ARL14EPL: variants seen among roughly 807,000 people sequenced by gnomAD.
ARL14EPL encodes the protein ARL14 effector protein-like.
ARL14EPL carries 17 observed loss-of-function variants against 15.9 expected under a neutral mutation model. The ratio of observed to expected loss-of-function variants is 1.07; its 90% CI spans 0.73 to 1.60. The LOEUF (loss-of-function observed/expected upper bound fraction) is 1.60, where lower values mean the gene tolerates loss of function less well. Ranked by LOEUF, ARL14EPL falls within the 40% of genes most tolerant of loss-of-function variation. The pLI, the probability that ARL14EPL is intolerant of heterozygous loss-of-function variation, is 0.00. For missense variants in ARL14EPL, 214 were observed against 185.9 expected, an observed-to-expected ratio of 1.15 and a Z score of -0.88; for synonymous variants, 78 against 63.8, an observed-to-expected ratio of 1.22 and a Z score of -1.06.
intron 1 of ARL14EPL, among the ~76,000 whole-genome samples, chr5:116,037,862 T>C (rs1427546021): frequency 1.3e-5 from 2 of 152,198 alleles, no homozygotes; most frequent in Non-Finnish European, 2.9e-5. Context: ...TGGTGGTTTT[T>C]ATTTTAACAC....
At position 116,047,740 on chromosome 5, in the gene ARL14EPL, A is replaced by T. The variant is rs138989522; in HGVS notation, c.-9-3717A>T. On this transcript the variant is annotated intron_variant, in intron 1 of 3. Coordinates refer to ENST00000686077, the MANE Select transcript of ARL14EPL (RefSeq NM_001195581.2). The stretch of plus-strand genomic sequence containing the variant: ...TACAGTTAAACAAGGTAGGTCAGAT[A>T]TTGATGATTTCTTTATGGTCAGTTT... Among the ~76,000 whole-genome samples, 584 of 151,262 alleles carry T rather than the reference A, an allele frequency of 3.9e-3. 3 individuals carry two copies. The highest frequency in any genetic ancestry group is 0.03 in the South Asian group (142 of 4,734).
intron 3 of ARL14EPL, among the ~76,000 whole-genome samples, chr5:116,056,828 G>A (rs907208893): frequency 9.2e-5 from 14 of 152,086 alleles, no homozygotes; most frequent in Admixed American, 3.9e-4. Flanking sequence ...TTTTGTATAA[G>A]GTGTAAGGAA....
chr5:116,058,618 G>A, intron 3 of ARL14EPL, 107 bp from the exon 4 acceptor site: 1 of 1,052,634 alleles, frequency 9.5e-7, no homozygotes, highest in South Asian at 1.5e-5. Context: ...CTGGAGTTCT[G>A]GGTCAGGGTA....
rs142699006 is a variant in ARL14EPL at position 116,055,453 on chromosome 5, T to C, written c.236+1300T>C. Among the ~76,000 whole-genome samples, 609 of 152,242 alleles carry C rather than the reference T, an allele frequency of 4.0e-3. 4 individuals are homozygous for C. Among genetic ancestry groups the C allele is most frequent in the African/African-American group, 0.014 (581 of 41,540 alleles). ...GAAAAGATAAATAACTTGTGGTATA[T>C]TTATACAGTGGAATACATATAGAAG... On this transcript the variant is annotated intron_variant, in intron 3 of 3. Transcript: ENST00000686077.
intron 3 of ARL14EPL, among the ~76,000 whole-genome samples, chr5:116,054,423 A>G (rs1399793589): frequency 4.6e-5 from 7 of 152,262 alleles, no homozygotes. Context: ...TTTAAAAGTA[A>G]CAAAAATGTA....
At chr5:116,040,719 T>A (rs541555136) in intron 1 of ARL14EPL, among the ~76,000 whole-genome samples, 1 of 151,296 alleles carries the variant, frequency 6.6e-6, no homozygotes, top group Non-Finnish European at 1.5e-5. Flanking sequence ...TGTAAAGAGT[T>A]TTTATGCTGT....
At chr5:116,056,663 T>G (rs534695821) in intron 3 of ARL14EPL, among the ~76,000 whole-genome samples, 1 of 152,356 alleles carries the variant, frequency 6.6e-6, no homozygotes, top group South Asian at 2.1e-4. Flanking sequence ...TAGATCCCAT[T>G]TGTCAATTTT....
At chr5:116,038,303 G>A (rs578096209) in intron 1 of ARL14EPL, among the ~76,000 whole-genome samples, 2 of 152,322 alleles carry the variant, frequency 1.3e-5, no homozygotes, top group East Asian at 3.9e-4. Flanking sequence ...AGACAAGTGT[G>A]TAAATAACTA....
At chr5:116,039,877 T>C (rs1370742864) in intron 1 of ARL14EPL, among the ~76,000 whole-genome samples, 4 of 152,192 alleles carry the variant, frequency 2.6e-5, no homozygotes, top group Non-Finnish European at 4.4e-5. Context: ...ATTACATTCC[T>C]AGAAAAATAT....
chr5:116,042,369 GT>G (rs1474246973), intron 1 of ARL14EPL, among the ~76,000 whole-genome samples: 1 of 152,228 alleles, frequency 6.6e-6, no homozygotes, highest in African/African-American at 2.4e-5. Flanking sequence ...GAAGGGCAGT[GT>G]GGATAGATAC....
chr5:116,040,453 A>AG (rs1401973775), intron 1 of ARL14EPL, among the ~76,000 whole-genome samples: 2 of 151,774 alleles, frequency 1.3e-5, no homozygotes, highest in Non-Finnish European at 2.9e-5. Flanking sequence ...AGTGACGGGA[A>AG]GGCATTTCTG....
chr5:116,039,912 T>G (rs1749117708), intron 1 of ARL14EPL, among the ~76,000 whole-genome samples: 1 of 152,196 alleles, frequency 6.6e-6, no homozygotes, highest in Admixed American at 6.5e-5. Context: ...TCTGACAAAT[T>G]TTAAAACTCT....
At chr5:116,053,283 T>C (rs1430306779) in intron 2 of ARL14EPL, among the ~76,000 whole-genome samples, 2 of 151,292 alleles carry the variant, frequency 1.3e-5, no homozygotes, top group Non-Finnish European at 2.9e-5. Flanking sequence ...GCCCCGGGGA[T>C]TGAGGCTGCA....
chr5:116,054,332 A>G (rs1002239557), intron 3 of ARL14EPL, among the ~76,000 whole-genome samples, 179 bp downstream of exon 3: 5 of 152,252 alleles, frequency 3.3e-5, no homozygotes, highest in African/African-American at 9.6e-5. Context: ...AAAATAGACT[A>G]TAATCCCGAA....
Position 116,045,422 on chromosome 5 carries a change from A to AG in ARL14EPL, c.-9-6029dup, listed in dbSNP as rs973611754. 2.0e-5 allele frequency among the ~76,000 whole-genome samples: 3 copies of AG among 152,222 alleles called. No homozygotes were observed. In the East Asian group the frequency reaches 5.8e-4, roughly 29 times the overall value. ...ATCCTTTTCCACTCTCCATTGGTGG[A>AG]GGGGGGTAAACAGAAGGGGTTGGTT... On this transcript the variant is annotated intron_variant, in intron 1 of 3. Transcript: ENST00000686077.
chr5:116,034,647 G>C (rs1749015439), intron 1 of ARL14EPL, among the ~76,000 whole-genome samples: 1 of 151,752 alleles, frequency 6.6e-6, no homozygotes, highest in African/African-American at 2.4e-5. Flanking sequence ...TGATCAGCAG[G>C]AAAATTCTTC....
intron 3 of ARL14EPL, among the ~76,000 whole-genome samples, chr5:116,057,675 G>A (rs947784984): frequency 7.9e-5 from 12 of 152,160 alleles, no homozygotes; most frequent in African/African-American, 2.2e-4. Flanking sequence ...TCTTGCTAAA[G>A]CGTGATCATC....
At chr5:116,048,456 C>A (rs114460782) in intron 1 of ARL14EPL, among the ~76,000 whole-genome samples, 228 of 152,156 alleles carry the variant, frequency 1.5e-3, no homozygotes, top group African/African-American at 4.3e-3. Context: ...ACAGTGATAT[C>A]TATGGACCAT....
chr5:116,054,144 C>T lies in ARL14EPL; in HGVS notation c.227C>T (p.Thr76Ile), dbSNP rs1411481320. 1.3e-6 allele frequency: 2 copies of T among 1,534,848 alleles called. No individual in the cohort carries two copies. Among genetic ancestry groups the T allele is most frequent in the East Asian group, 4.9e-5 (2 of 40,876 alleles). ...RMSKMNEYFS[T>I]KYKIMRKYDK... ...TCAAAGATGAATGAATATTTTTCTACCAAATACAAGTAAGATTCTGACTTA... is the reference window on the plus strand; with the variant it reads ...TCAAAGATGAATGAATATTTTTCTATCAAATACAAGTAAGATTCTGACTTA... Residue 76 changes from threonine (T) to isoleucine (I), a missense_variant, in exon 3 of 4, where the codon ACC becomes ATC. Physicochemically the swap from Thr to Ile is moderately conservative, Grantham distance 89 (BLOSUM62 -1). Transcript: ENST00000686077.
Sources: allele counts gnomAD v4.1 joint callset (sites outside exome capture counted in the v4.1 genomes callset), GRCh38; gene constraint gnomAD v4.1.1; transcripts MANE v1.5; gene names NCBI Gene and HGNC (gene_info 2026-07-23, HGNC 2026-07-21).